Variants in TEX48 observed in about 807,000 individuals in gnomAD.
TEX48 encodes the protein testis expressed 48, also known as testis-expressed protein 48.
In TEX48, 10 loss-of-function variants were observed where a neutral mutation model predicts 13.2. That is an observed-to-expected ratio of 0.75 (90% CI 0.47 to 1.28). TEX48 has a LOEUF of 1.28. Ranked by LOEUF, TEX48 falls within the 50% of genes most tolerant of loss-of-function variation. The pLI, the probability that TEX48 is intolerant of heterozygous loss-of-function variation, is 0.00. For synonymous variants in TEX48, 45 were observed against 52.3 expected, an observed-to-expected ratio of 0.86 and a Z score of 0.60; for missense variants, 116 against 139.4, an observed-to-expected ratio of 0.83 and a Z score of 0.84.
intron 1 of TEX48, among the ~76,000 whole-genome samples, chr9:114,673,056 C>T (rs574249193): frequency 7.9e-5 from 12 of 152,136 alleles, no homozygotes; most frequent in African/African-American, 2.4e-4. Context: ...AACATACGCG[C>T]GTTACTGGAC....
intron 1 of TEX48, among the ~76,000 whole-genome samples, chr9:114,679,698 T>C (rs1458417215): frequency 6.6e-6 from 1 of 152,216 alleles, no homozygotes; most frequent in Non-Finnish European, 1.5e-5. Context: ...CTATGTCTTC[T>C]TACACAGAGT....
At position 114,676,620 on chromosome 9, in the gene TEX48, CT is replaced by C. The variant is rs112453573; in HGVS notation, c.-104-4794del. Among the ~76,000 whole-genome samples the C allele has an allele frequency of 3.0e-3, 430 of 143,946 alleles. 3 individuals are homozygous for C. The East Asian group carries it at 0.037, about 12-fold the overall frequency. The allele number at this position is 143,946 out of a possible 152,430, so 94.4% of individuals were successfully genotyped here. ...GGAAGCAGGGACAGTATTTTATTCA[CT>C]TTTTTTTTTTTTTGAGATGGAGTCG... On this transcript the variant is annotated intron_variant, in intron 1 of 4. Coordinates refer to ENST00000436752, the MANE Select transcript of TEX48 (RefSeq NM_001199233.2).
Position 114,671,525 on chromosome 9 carries a change from G to A in TEX48, c.5-20C>T, listed in dbSNP as rs1827946328. 1 of 1,479,162 alleles carries A rather than the reference G, an allele frequency of 6.8e-7. No homozygotes were observed. 91.6% of individuals were successfully genotyped at this position (1,479,162 alleles called of 1,614,324 possible). A position where few individuals can be genotyped will look rare whatever the true frequency, so the allele number is the denominator to read the frequency against. On this transcript the variant is annotated intron_variant, in intron 2 of 4. Transcript: ENST00000436752. The stretch of plus-strand genomic sequence containing the variant: ...GGGCTGCTGTTGGAGGCAAAGGAAT[G>A]AGGGGCATGGGTTCCGGAATCTGAA...
intron 1 of TEX48, among the ~76,000 whole-genome samples, chr9:114,675,989 C>T (rs1335181185): frequency 6.6e-6 from 1 of 152,164 alleles, no homozygotes; most frequent in Non-Finnish European, 1.5e-5. Flanking sequence ...CCTTGTGCTC[C>T]CACAGCACTC....
chr9:114,669,936 T>C (rs1369497734), intron 3 of TEX48, among the ~76,000 whole-genome samples: 1 of 152,216 alleles, frequency 6.6e-6, no homozygotes, highest in African/African-American at 2.4e-5. Flanking sequence ...TTTGTCTTTA[T>C]ACACTTCTAG....
In TEX48 at chr9:114,671,639, C is replaced by T. The variant is rs559432113; in HGVS notation, c.4+81G>A. On this transcript the variant is annotated intron_variant, in intron 2 of 4. Coordinates refer to ENST00000436752, the MANE Select transcript of TEX48 (RefSeq NM_001199233.2). ...ATTAATATAATACTCCTCCCCTCTC[C>T]CAAATCTTCTGTAGCTTCCCATGGC... is the stretch of plus-strand genomic sequence containing the variant. The T allele has an allele frequency of 3.1e-5, 47 of 1,532,606 alleles. 2 individuals are homozygous for T. The South Asian group carries it at 5.2e-4, about 17-fold the overall frequency. The allele number at this position is 1,532,606 out of a possible 1,614,324, so 94.9% of individuals were successfully genotyped here.
intron 1 of TEX48, among the ~76,000 whole-genome samples, chr9:114,678,510 CTTA>C (rs1267094588): frequency 6.6e-6 from 1 of 152,148 alleles, no homozygotes; most frequent in Admixed American, 6.5e-5. Context: ...CTGTTCGTTA[CTTA>C]TTGTCTTGGA....
intron 1 of TEX48, among the ~76,000 whole-genome samples, chr9:114,676,783 A>AT (rs35796919): frequency 6.6e-6 from 1 of 151,746 alleles, no homozygotes; most frequent in African/African-American, 2.4e-5. Flanking sequence ...CGCCTGGCTA[A>AT]TTTTTTGTAT....
intron 3 of TEX48, 149 bp from the exon 4 acceptor site, chr9:114,668,486 C>T: frequency 7.8e-6 from 5 of 643,664 alleles, no homozygotes; most frequent in East Asian, 2.7e-5. Flanking sequence ...ACCTCCTGTC[C>T]TCTGAGGGCT....
At chr9:114,667,905 C>CAAACAAAAAA (rs1827871467) in intron 4 of TEX48, among the ~76,000 whole-genome samples, 1 of 60,514 alleles carries the variant, frequency 1.7e-5, no homozygotes, top group Non-Finnish European at 2.9e-5. Flanking sequence ...GACTCCATCT[C>CAAACAAAAAA]AAAAAAAAAA....
chr9:114,675,176 AG>A (rs1828039313), intron 1 of TEX48, among the ~76,000 whole-genome samples: 2 of 152,304 alleles, frequency 1.3e-5, no homozygotes, highest in South Asian at 4.1e-4. Flanking sequence ...AGAATAAACT[AG>A]CATTTATTCT....
Position 114,671,838 on chromosome 9 carries a change from A to C in TEX48, c.-104-11T>G. The C allele has an allele frequency of 8.3e-7, 1 of 1,200,984 alleles. No individual in the cohort carries two copies. Among genetic ancestry groups the C allele is most frequent in the Non-Finnish European group, 1.2e-6 (1 of 843,796 alleles). The allele number at this position is 1,200,984 out of a possible 1,614,324, so 74.4% of individuals were successfully genotyped here. ...GGGCTGGGCTGTTTCCTAAGTAAAC[A>C]TAAGACCGTGGCTGAAAAATGCTAG... On this transcript the variant is annotated splice_polypyrimidine_tract_variant and intron_variant, in intron 1 of 4. Transcript: ENST00000436752.
At chr9:114,673,062 T>C (rs186440017) in intron 1 of TEX48, among the ~76,000 whole-genome samples, 4 of 152,232 alleles carry the variant, frequency 2.6e-5, no homozygotes, top group Admixed American at 2.6e-4. Context: ...CGCGCGTTAC[T>C]GGACTCTCAG....
chr9:114,671,815 G>A lies in TEX48; in HGVS notation c.-92C>T. 1 of 1,407,974 alleles carries A rather than the reference G, an allele frequency of 7.1e-7. No homozygotes were observed. The highest frequency in any genetic ancestry group is 1.2e-5 in the South Asian group (1 of 81,382). The allele number at this position is 1,407,974 out of a possible 1,614,324, so 87.2% of individuals were successfully genotyped here. ...CTTGAGTTTGAGCCCAGTTCACTGGGCTGGGCTGTTTCCTAAGTAAACATA... is the reference window on the plus strand; with the variant it reads ...CTTGAGTTTGAGCCCAGTTCACTGGACTGGGCTGTTTCCTAAGTAAACATA... On this transcript the variant is annotated 5_prime_UTR_variant, in exon 2 of 5. Coordinates refer to ENST00000436752, the MANE Select transcript of TEX48 (RefSeq NM_001199233.2).
intron 1 of TEX48, among the ~76,000 whole-genome samples, chr9:114,673,698 A>T (rs988893849): frequency 2.6e-5 from 4 of 152,192 alleles, no homozygotes; most frequent in Non-Finnish European, 4.4e-5. Context: ...TAGAAGGCCC[A>T]GGCTGTAAAA....
At chr9:114,679,853 C>T (rs1188061755) in intron 1 of TEX48, among the ~76,000 whole-genome samples, 1 of 152,170 alleles carries the variant, frequency 6.6e-6, no homozygotes, top group African/African-American at 2.4e-5. Flanking sequence ...CCCTAGGGTA[C>T]ACCTGACCAA....
At chr9:114,667,662 G>T (rs1164681121) in intron 4 of TEX48, among the ~76,000 whole-genome samples, 4 of 152,152 alleles carry the variant, frequency 2.6e-5, no homozygotes, top group Admixed American at 2.0e-4. Context: ...ACTTTGGGAG[G>T]CCAAGGTAGG....
chr9:114,670,067 T>C (rs1486565828), intron 3 of TEX48, among the ~76,000 whole-genome samples: 1 of 152,226 alleles, frequency 6.6e-6, no homozygotes, highest in Non-Finnish European at 1.5e-5. Context: ...TGCCTCTTCA[T>C]TCATATCTGC....
chr9:114,677,318 C>T (rs1224092798), intron 1 of TEX48, among the ~76,000 whole-genome samples: 3 of 150,954 alleles, frequency 2.0e-5, no homozygotes, highest in African/African-American at 7.3e-5. Context: ...ATGATTTTAG[C>T]TCTGATGTAT....
Sources: gnomAD v4.1 joint callset for allele counts (sites outside exome capture counted in the v4.1 genomes callset) on GRCh38, gnomAD v4.1.1 for gene constraint, MANE v1.5 for transcripts, NCBI Gene and HGNC (gene_info 2026-07-23, HGNC 2026-07-21) for gene names.